Variants in TSPAN12 observed in about 807,000 individuals in gnomAD.
TSPAN12 encodes tetraspanin-12.
TSPAN12 carries 19 observed loss-of-function variants against 39.2 expected under a neutral mutation model. The ratio of observed to expected loss-of-function variants is 0.49; its 90% confidence interval spans 0.34 to 0.71. The LOEUF (loss-of-function observed/expected upper bound fraction) is 0.71. Among genes scored for constraint, TSPAN12 ranks in the 30% least tolerant of loss-of-function variants. TSPAN12 has a pLI of 0.01. For missense variants in TSPAN12, 314 were observed against 359.9 expected (o/e 0.87, Z 1.03); for synonymous variants, 119 against 124.8 (o/e 0.95, Z 0.31).
intron 7 of TSPAN12, among the ~76,000 whole-genome samples, chr7:120,795,759 G>A (rs1458606025): frequency 6.6e-6 from 1 of 152,106 alleles, no homozygotes; most frequent in African/African-American, 2.4e-5. Context: ...GAGCTCACAA[G>A]ATTTAAACAG....
chr7:120,803,060 C>A (rs549772154), intron 7 of TSPAN12, among the ~76,000 whole-genome samples: 4 of 152,226 alleles, frequency 2.6e-5, no homozygotes, highest in African/African-American at 9.6e-5. Context: ...AGTCTGGATT[C>A]ATTCTTAATT....
intron 2 of TSPAN12, among the ~76,000 whole-genome samples, chr7:120,852,316 C>A (rs897882770): frequency 6.6e-6 from 1 of 152,116 alleles, no homozygotes; most frequent in Non-Finnish European, 1.5e-5. Context: ...CTTTTCACCT[C>A]ATGGGTAATG....
At chr7:120,801,200 AG>A (rs1793763756) in intron 7 of TSPAN12, among the ~76,000 whole-genome samples, 1 of 151,998 alleles carries the variant, frequency 6.6e-6, no homozygotes, top group South Asian at 2.1e-4. Flanking sequence ...ACCTTCTGTG[AG>A]CACTGGTAAC....
chr7:120,799,886 T>C (rs1054591691), intron 7 of TSPAN12, among the ~76,000 whole-genome samples: 1 of 142,190 alleles, frequency 7.0e-6, no homozygotes, highest in Non-Finnish European at 1.5e-5. Context: ...ATTAATTAAA[T>C]ATTAATAAAT....
Position 120,852,517 on chromosome 7 carries a change from T to C in TSPAN12, c.66+4181A>G, listed in dbSNP as rs73427821. On this transcript the variant is annotated intron_variant, in intron 2 of 7. Coordinates refer to ENST00000222747, the MANE Select transcript of TSPAN12 (RefSeq NM_012338.4). ...GGGTGTGGCACTCAGACCAGCAACA[T>C]TGGCATCACAGAGGAGCTTGTTAGA... 1.4e-3 allele frequency among the ~76,000 whole-genome samples: 211 copies of C among 152,326 alleles called. 1 individual carries two copies. The highest frequency in any genetic ancestry group is 4.7e-3 in the African/African-American group (194 of 41,572).
chr7:120,840,685 T>C (rs924603888), intron 2 of TSPAN12, among the ~76,000 whole-genome samples: 4 of 152,178 alleles, frequency 2.6e-5, no homozygotes, highest in Non-Finnish European at 5.9e-5. Context: ...CTGGTCTTTG[T>C]AGAAAGTTGA....
chr7:120,848,032 C>G (rs1302762041), intron 2 of TSPAN12, among the ~76,000 whole-genome samples: 1 of 152,144 alleles, frequency 6.6e-6, no homozygotes, highest in Non-Finnish European at 1.5e-5. Flanking sequence ...GCTTGCACAT[C>G]TCCAAAATGC....
At chr7:120,840,251 T>G in intron 2 of TSPAN12, 142 bp from the exon 3 acceptor site, 1 of 737,806 alleles carries the variant, frequency 1.4e-6, no homozygotes, top group Non-Finnish European at 2.4e-6. Flanking sequence ...ACTATTACTA[T>G]AAATAACTGC....
intron 7 of TSPAN12, among the ~76,000 whole-genome samples, chr7:120,794,674 T>C (rs1243623908): frequency 6.6e-6 from 1 of 152,224 alleles, no homozygotes; most frequent in East Asian, 1.9e-4. Flanking sequence ...AATGGAAGAA[T>C]TGCCTAACAC....
At chr7:120,850,293 C>A (rs1427963504) in intron 2 of TSPAN12, among the ~76,000 whole-genome samples, 1 of 152,140 alleles carries the variant, frequency 6.6e-6, no homozygotes, top group East Asian at 1.9e-4. Context: ...CAGAAGAGAC[C>A]CACTATAAGC....
At position 120,801,326 on chromosome 7, in the gene TSPAN12, A is replaced by G. The variant is rs182724500; in HGVS notation, c.612+5223T>C. On this transcript the variant is annotated intron_variant, in intron 7 of 7. Coordinates refer to ENST00000222747, the MANE Select transcript of TSPAN12 (RefSeq NM_012338.4). Reference sequence around the variant, plus strand: ...TGTTCCCAATTTCCTCTATTTGTCAATGTTTTCTAGCATTGGGAGAAGAAA... The same window carrying G: ...TGTTCCCAATTTCCTCTATTTGTCAGTGTTTTCTAGCATTGGGAGAAGAAA... Among the ~76,000 whole-genome samples the G allele has an allele frequency of 1.2e-3, 176 of 152,282 alleles. 1 individual carries two copies. Among genetic ancestry groups the G allele is most frequent in the Non-Finnish European group, 7.1e-4 (48 of 68,022 alleles).
At chr7:120,811,008 A>G (rs1262002740) in intron 5 of TSPAN12, among the ~76,000 whole-genome samples, 1 of 152,232 alleles carries the variant, frequency 6.6e-6, no homozygotes, top group African/African-American at 2.4e-5. Context: ...CAAAGAGGAA[A>G]GAATTAAGAA....
intron 4 of TSPAN12, among the ~76,000 whole-genome samples, chr7:120,829,878 A>C (rs1794359359): frequency 6.6e-6 from 1 of 152,156 alleles, no homozygotes; most frequent in Non-Finnish European, 1.5e-5. Context: ...CACCATACAA[A>C]AACTTGAATC....
chr7:120,835,751 A>G (rs1195585047), intron 4 of TSPAN12, among the ~76,000 whole-genome samples: 1 of 152,226 alleles, frequency 6.6e-6, no homozygotes, highest in Non-Finnish European at 1.5e-5. Flanking sequence ...AACTACTTCA[A>G]TTATCATCAG....
At position 120,849,292 on chromosome 7, in the gene TSPAN12, G is replaced by A. The variant is rs546071255; in HGVS notation, c.66+7406C>T. 5.9e-5 allele frequency among the ~76,000 whole-genome samples: 9 copies of A among 152,340 alleles called. No individual in the cohort carries two copies. In the South Asian group the frequency reaches 1.9e-3, roughly 32 times the overall value. On this transcript the variant is annotated intron_variant, in intron 2 of 7. Coordinates refer to ENST00000222747, the MANE Select transcript of TSPAN12 (RefSeq NM_012338.4). The stretch of plus-strand genomic sequence containing the variant: ...TATTTGGAAACATAAAATTTGCAGT[G>A]TTGAGGACATGGTCTGCTTTTGCTT...
chr7:120,846,346 T>C (rs1794668869), intron 2 of TSPAN12, among the ~76,000 whole-genome samples: 1 of 152,240 alleles, frequency 6.6e-6, no homozygotes, highest in South Asian at 2.1e-4. Flanking sequence ...TTTATCACTC[T>C]TCAAAGTAAT....
chr7:120,829,698 AGCATGTGCT>A (rs1562948254), intron 4 of TSPAN12, among the ~76,000 whole-genome samples: 4 of 152,216 alleles, frequency 2.6e-5, no homozygotes, highest in Admixed American at 2.6e-4. Flanking sequence ...ACATTTCAAT[AGCATGTGCT>A]GCCAGAAAAA....
intron 2 of TSPAN12, among the ~76,000 whole-genome samples, chr7:120,853,854 CAG>C (rs1230480328): frequency 7.5e-6 from 1 of 133,334 alleles, no homozygotes; most frequent in Non-Finnish European, 1.5e-5. Flanking sequence ...AGCCTGGTGA[CAG>C]AGTGAGACTC....
intron 7 of TSPAN12, among the ~76,000 whole-genome samples, chr7:120,792,489 AT>A (rs1793548153): frequency 7.5e-6 from 1 of 132,464 alleles, no homozygotes; most frequent in East Asian, 2.3e-4. Context: ...AGTTACACAC[AT>A]GAATAGGGCT....
Sources: allele counts gnomAD v4.1 joint callset (sites outside exome capture counted in the v4.1 genomes callset), GRCh38; gene constraint gnomAD v4.1.1; transcripts MANE v1.5; gene names NCBI Gene and HGNC (gene_info 2026-07-23, HGNC 2026-07-21).